Variants in SLC9A3 observed in about 807,000 individuals in gnomAD.
The protein encoded by SLC9A3 is solute carrier family 9 member A3.
Under a neutral mutation model 86.8 loss-of-function variants are expected in SLC9A3, and 37 were observed. The observed-to-expected ratio is 0.43, with a 90% CI of 0.33 to 0.56. The LOEUF (loss-of-function observed/expected upper bound fraction) is 0.56, where lower values mean the gene tolerates loss of function less well. SLC9A3 is among the 20% of genes least tolerant of loss of function. The pLI is 0.06. For synonymous variants in SLC9A3, 581 were observed against 528.3 expected (o/e 1.10, Z -1.37); for missense variants, 1,011 against 1,171.9 (o/e 0.86, Z 2.00).
At position 473,336 on chromosome 5, in the gene SLC9A3, G is replaced by T; in HGVS notation, c.*43C>A. 2 of 1,414,092 alleles carry T rather than the reference G, an allele frequency of 1.4e-6. No individual in the cohort carries two copies. The highest frequency in any genetic ancestry group is 3.1e-5 in the East Asian group (1 of 32,614). The allele number at this position is 1,414,092 out of a possible 1,614,324, so 87.6% of individuals were successfully genotyped here. A position where few individuals can be genotyped will look rare whatever the true frequency, so the allele number is the denominator to read the frequency against. On this transcript the variant is annotated 3_prime_UTR_variant, in exon 17 of 17. Coordinates refer to ENST00000264938, the MANE Select transcript of SLC9A3 (RefSeq NM_004174.4). ...CGGCGGCGGCGGTGGGCGGACCGTG[G>T]CGCGGGGACGAGCGGCCGGTTAGCG...
At chr5:490,419 G>A (rs113857926) in intron 2 of SLC9A3, among the ~76,000 whole-genome samples, 1 of 152,178 alleles carries the variant, frequency 6.6e-6, no homozygotes. Context: ...CAGCAAGGAC[G>A]TCCTCCAGGC....
At chr5:488,138 C>G (rs570358589) in intron 3 of SLC9A3, among the ~76,000 whole-genome samples, 178 bp downstream of exon 3, 8 of 152,236 alleles carry the variant, frequency 5.3e-5, no homozygotes, top group African/African-American at 1.9e-4. Context: ...AGAAGCCTCG[C>G]GAAAGCTGCC....
intron 1 of SLC9A3, among the ~76,000 whole-genome samples, chr5:510,288 T>G (rs577084146): frequency 2.4e-4 from 37 of 152,294 alleles, no homozygotes; most frequent in African/African-American, 8.4e-4. Context: ...CACGGAGCTC[T>G]AAGGTGTTCG....
chr5:482,231 A>C, intron 7 of SLC9A3, 74 bp from the exon 8 acceptor site: 2 of 1,167,386 alleles, frequency 1.7e-6, no homozygotes, highest in Non-Finnish European at 2.5e-6. Context: ...GGTGCACCAC[A>C]CAGAGCCACC....
At position 482,162 on chromosome 5, in the gene SLC9A3, A is replaced by G. The variant is rs772576850; in HGVS notation, c.1357-5T>C. ...CAGAGGCTTGATGGTCAGGCCCTGG[A>G]GGACAGGGTCTCGTGACCCTGGTGC... On this transcript the variant is annotated splice_polypyrimidine_tract_variant and splice_region_variant and intron_variant, in intron 7 of 16. Coordinates refer to ENST00000264938, the MANE Select transcript of SLC9A3 (RefSeq NM_004174.4). 6.2e-7 allele frequency: 1 copy of G among 1,605,658 alleles called. No homozygotes were observed. Among genetic ancestry groups the G allele is most frequent in the East Asian group, 2.2e-5 (1 of 44,684 alleles).
chr5:488,279 G>A (rs764966651), intron 3 of SLC9A3, 37 bp downstream of exon 3: 17 of 1,607,222 alleles, frequency 1.1e-5, no homozygotes, highest in Middle Eastern at 1.7e-4. Flanking sequence ...GGCCTCCCAC[G>A]GCTCGCCCGC....
chr5:476,760 C>A (rs1297013322), intron 11 of SLC9A3, 88 bp from the exon 12 acceptor site: 12 of 1,513,382 alleles, frequency 7.9e-6, no homozygotes, highest in Non-Finnish European at 1.1e-5. Flanking sequence ...GGGCATCTGG[C>A]CCTGGCTGCC....
chr5:490,210 C>T (rs755095958), intron 2 of SLC9A3, among the ~76,000 whole-genome samples: 2 of 152,250 alleles, frequency 1.3e-5, no homozygotes, highest in South Asian at 2.1e-4. Flanking sequence ...CTCCAGCATC[C>T]GTGTCACCTG....
intron 1 of SLC9A3, among the ~76,000 whole-genome samples, chr5:506,400 G>A (rs4957059): frequency 0.37 from 56,691 of 152,122 alleles, 10,970 homozygotes; most frequent in East Asian, 0.51. Flanking sequence ...ATTCTCACGC[G>A]AGGTGTGCCC....
rs1739524373 is a variant in SLC9A3 at position 487,483 on chromosome 5, G to GTCGTT, written c.675+832_675+833insAACGA. Among the ~76,000 whole-genome samples the GTCGTT allele has an allele frequency of 2.0e-4, 4 of 20,012 alleles. 1 individual carries two copies. The highest frequency in any genetic ancestry group is 2.1e-4 in the Non-Finnish European group (1 of 4,662). 13.1% of individuals were successfully genotyped at this position (20,012 alleles called of 152,430 possible). A position where few individuals can be genotyped will look rare whatever the true frequency, so the allele number is the denominator to read the frequency against. ...GACACCCACCACACTGACACCCACC[G>GTCGTT]CACTGACACCCACCACACTGACACC... On this transcript the variant is annotated intron_variant, in intron 3 of 16. Coordinates refer to ENST00000264938, the MANE Select transcript of SLC9A3 (RefSeq NM_004174.4).
chr5:475,492 A>T, intron 15 of SLC9A3, 69 bp downstream of exon 15: 2 of 913,826 alleles, frequency 2.2e-6, no homozygotes, highest in Non-Finnish European at 3.5e-6. Flanking sequence ...TGGTCCAATG[A>T]CCGAGCTCCC....
intron 9 of SLC9A3, chr5:480,263 G>A: frequency 3.0e-6 from 1 of 329,794 alleles, no homozygotes; most frequent in East Asian, 6.8e-5. Flanking sequence ...CCACATGGGG[G>A]GCACCTTCAG....
In SLC9A3 at chr5:475,585, C is replaced by G. The variant is rs1042002012; in HGVS notation, c.2227G>C (p.Asp743His). The change falls in exon 15 of 17, where the codon GAC (aspartate) becomes CAC (histidine). Residue 743 changes from aspartate (D) to histidine (H), a missense_variant. Physicochemically the swap from Asp to His is moderately conservative, Grantham distance 81. Coordinates refer to ENST00000264938, the MANE Select transcript of SLC9A3 (RefSeq NM_004174.4). ...CCTGCAGGGGAGTCGGACGCTGTGTCCTTGGTGACACTAGCCAGGAACTCG... is the reference window on the plus strand; with the variant it reads ...CCTGCAGGGGAGTCGGACGCTGTGTGCTTGGTGACACTAGCCAGGAACTCG... ...GIEFLASVTK[D>H]TASDSPAGID... 2 of 1,550,998 alleles carry G rather than the reference C, an allele frequency of 1.3e-6. No individual in the cohort carries two copies. Among genetic ancestry groups the G allele is most frequent in the Non-Finnish European group, 1.7e-6 (2 of 1,145,918 alleles).
intron 1 of SLC9A3, among the ~76,000 whole-genome samples, chr5:511,571 A>T (rs749352507): frequency 3.9e-5 from 6 of 152,248 alleles, no homozygotes; most frequent in Non-Finnish European, 7.3e-5. Context: ...GCGGAGCTGC[A>T]AATTAAAACA....
In SLC9A3 at chr5:482,577, T is replaced by C. The variant is rs773841191; in HGVS notation, c.1327A>G (p.Ile443Val). The change falls in exon 7 of 17, where the codon ATC (isoleucine) becomes GTC (valine). Residue 443 changes from isoleucine to valine, a missense_variant. Ile to Val is a conservative substitution (Grantham distance 29, BLOSUM62 3). Transcript: ENST00000264938. ...EKNLFVSTTIIVVFFTVIFQG... is the reference protein window; with the variant it reads ...EKNLFVSTTIVVVFFTVIFQG... ...AAGATGACGGTGAAGAACACTACGA[T>C]GATGGTGGTGCTGACGAACAGGTTC... The C allele has an allele frequency of 2.0e-5, 33 of 1,612,590 alleles. No individual in the cohort carries two copies. Among genetic ancestry groups the C allele is most frequent in the South Asian group, 1.9e-4 (17 of 91,072 alleles).
rs1246215989 is a variant in SLC9A3 at position 496,295 on chromosome 5, C to A, written c.212-4224G>T. Among the ~76,000 whole-genome samples the A allele has an allele frequency of 2.0e-5, 3 of 152,078 alleles. No individual in the cohort carries two copies. Among genetic ancestry groups the A allele is most frequent in the Non-Finnish European group, 4.4e-5 (3 of 68,010 alleles). ...TTGAGAGCTCACCTGTGTCCTCCTG[C>A]ATGGGACATGCCGTCCCACCTGCCC... On this transcript the variant is annotated intron_variant, in intron 1 of 16. Coordinates refer to ENST00000264938, the MANE Select transcript of SLC9A3 (RefSeq NM_004174.4). The surrounding 1 kb of genome is among the most constrained non-coding windows in gnomAD (Gnocchi z 4.7).
Position 491,004 on chromosome 5 carries a change from G to A in SLC9A3, c.514+765C>T, listed in dbSNP as rs1235817584. Among the ~76,000 whole-genome samples the A allele has an allele frequency of 6.6e-6, 1 of 152,230 alleles. No homozygotes were observed. Among genetic ancestry groups the A allele is most frequent in the Non-Finnish European group, 1.5e-5 (1 of 68,028 alleles). On this transcript the variant is annotated intron_variant, in intron 2 of 16. Transcript: ENST00000264938. The surrounding 1 kb of genome is among the most constrained non-coding windows in gnomAD (Gnocchi z 9.2). ...CCCCTTGATTCCCATGGAGAGGCCGGGCCGTGCTCTCTCTTGAACCAGACG... is the reference window on the plus strand; with the variant it reads ...CCCCTTGATTCCCATGGAGAGGCCGAGCCGTGCTCTCTCTTGAACCAGACG...
At chr5:517,318 C>T (rs1004649189) in intron 1 of SLC9A3, among the ~76,000 whole-genome samples, 1 of 151,870 alleles carries the variant, frequency 6.6e-6, no homozygotes, top group African/African-American at 2.4e-5. Flanking sequence ...TCCATTCATT[C>T]ACTCATCCAT....
chr5:521,230 G>A lies in SLC9A3; in HGVS notation c.211+2882C>T, dbSNP rs150182449. Among the ~76,000 whole-genome samples the A allele has an allele frequency of 5.0e-3, 755 of 151,644 alleles. 8 individuals are homozygous for A. The highest frequency in any genetic ancestry group is 0.016 in the African/African-American group (677 of 41,524). On this transcript the variant is annotated intron_variant, in intron 1 of 16. Transcript: ENST00000264938. ...AGGGGGCTTGTGGGGAGCCCTTGCC[G>A]GAGCCAGACACGCGGCCTGAGGCTG...
Sources: allele counts gnomAD v4.1 joint callset (sites outside exome capture counted in the v4.1 genomes callset), GRCh38; gene constraint gnomAD v4.1.1; non-coding constraint Gnocchi (gnomAD v3.1); transcripts MANE v1.5; gene names NCBI Gene and HGNC (gene_info 2026-07-23, HGNC 2026-07-21).